The following VPS53 variants were observed in gnomAD, a reference collection of about 807,000 sequenced individuals.
VPS53 encodes the protein vacuolar protein sorting-associated protein 53 homolog.
A neutral mutation model predicts 107.0 loss-of-function variants in VPS53; 70 were observed. That is an observed-to-expected ratio of 0.65 (90% confidence interval 0.54 to 0.80). VPS53 has a LOEUF of 0.80. Ranked by LOEUF, VPS53 falls within the 30% of genes least tolerant of loss-of-function variation. The pLI is 0.00. For missense variants in VPS53, 917 were observed against 1,049.4 expected, an observed-to-expected ratio of 0.87 and a Z score of 1.74; for synonymous variants, 409 against 393.3, an observed-to-expected ratio of 1.04 and a Z score of -0.47.
At chr17:656,795 C>T in intron 5 of VPS53, 1 of 1,460,652 alleles carries the variant, frequency 6.8e-7, no homozygotes, top group Non-Finnish European at 9.6e-7. Context: ...CGGACCATTT[C>T]ACCCGCTGCT....
chr17:647,099 T>C (rs1297903913), intron 7 of VPS53, among the ~76,000 whole-genome samples: 3 of 152,242 alleles, frequency 2.0e-5, no homozygotes, highest in Admixed American at 2.0e-4. Context: ...CTCTGCTGCC[T>C]CCAAACTCCA....
chr17:581,323 A>G (rs79085298), intron 13 of VPS53, among the ~76,000 whole-genome samples: 8,806 of 151,712 alleles, frequency 0.058, 515 homozygotes, highest in East Asian at 0.3. Flanking sequence ...TCAGAACCTA[A>G]TGGGTTCCCA....
intron 4 of VPS53, among the ~76,000 whole-genome samples, chr17:696,076 C>G (rs1313226242): frequency 6.6e-6 from 1 of 151,888 alleles, no homozygotes; most frequent in African/African-American, 2.4e-5. Context: ...GTAACGAGGG[C>G]TAAAAAAAAT....
At chr17:623,496 C>G (rs754336744) in intron 11 of VPS53, 37 bp downstream of exon 11, 2 of 1,587,128 alleles carry the variant, frequency 1.3e-6, no homozygotes, top group Non-Finnish European at 1.7e-6. Flanking sequence ...ACCCAACCCA[C>G]TGATTTCACG....
chr17:565,058 A>C (rs1252918213), intron 13 of VPS53, among the ~76,000 whole-genome samples: 2 of 152,230 alleles, frequency 1.3e-5, no homozygotes, highest in East Asian at 3.8e-4. Flanking sequence ...ACCACCAATT[A>C]GCAGGAATAG....
intron 12 of VPS53, among the ~76,000 whole-genome samples, chr17:588,125 G>A (rs1221257146): frequency 2.0e-5 from 3 of 152,114 alleles, no homozygotes; most frequent in Non-Finnish European, 4.4e-5. Context: ...AGACCAGCAT[G>A]GCCAATATGG....
At chr17:647,500 G>C (rs1264624207) in intron 7 of VPS53, among the ~76,000 whole-genome samples, 1 of 152,218 alleles carries the variant, frequency 6.6e-6, no homozygotes, top group Non-Finnish European at 1.5e-5. Context: ...GAATCATCCT[G>C]AGAGCAGGGG....
Position 632,064 on chromosome 17 carries a change from A to G in VPS53, c.609-436T>C, listed in dbSNP as rs979347052. Among the ~76,000 whole-genome samples, 3 of 152,182 alleles carry G rather than the reference A, an allele frequency of 2.0e-5. No individual in the cohort carries two copies. The East Asian group carries it at 5.8e-4, about 29-fold the overall frequency. On this transcript the variant is annotated intron_variant, in intron 7 of 21. Transcript: ENST00000437048. ...GGATTTCAAAACCAGCCTGGGCAACATTAGAGAGATCCAGTCTCCACGAAA... is the reference window on the plus strand; with the variant it reads ...GGATTTCAAAACCAGCCTGGGCAACGTTAGAGAGATCCAGTCTCCACGAAA...
chr17:655,722 G>A, intron 6 of VPS53, 116 bp downstream of exon 6: 1 of 955,708 alleles, frequency 1.0e-6, no homozygotes, highest in Non-Finnish European at 1.5e-6. Context: ...CCAATTTGCA[G>A]AAAGTGGGGC....
At chr17:598,649 C>G (rs529574468) in intron 12 of VPS53, among the ~76,000 whole-genome samples, 49 of 144,530 alleles carry the variant, frequency 3.4e-4, no homozygotes, top group African/African-American at 1.2e-3. Flanking sequence ...TCTGCCCGGC[C>G]GCGACCCGGT....
Position 657,158 on chromosome 17 carries a change from C to G in VPS53, c.373-1205G>C, listed in dbSNP as rs966499816. The G allele has an allele frequency of 2.7e-6, 4 of 1,495,042 alleles. No homozygotes were observed. In the South Asian group the frequency reaches 4.5e-5, roughly 17 times the overall value. The allele number at this position is 1,495,042 out of a possible 1,614,324, so 92.6% of individuals were successfully genotyped here. A position where few individuals can be genotyped will look rare whatever the true frequency, so the allele number is the denominator to read the frequency against. ...TCAGGGTAGCGGATGGTGCGAGCAT[C>G]ATGAGTCACCAGATGAGGGATTCCT... On this transcript the variant is annotated intron_variant, in intron 5 of 21. Coordinates refer to ENST00000437048, the MANE Select transcript of VPS53 (RefSeq NM_001128159.3).
At position 552,076 on chromosome 17, in the gene VPS53, G is replaced by C. The variant is rs144390251; in HGVS notation, c.1788-126C>G. On this transcript the variant is annotated intron_variant, in intron 16 of 21. Coordinates refer to ENST00000437048, the MANE Select transcript of VPS53 (RefSeq NM_001128159.3). ...TGGCAAAGTTTGAGCTTTAATTAATGACAGCGGAGGAACAGCTTGGCTCTT... is the reference window on the plus strand; with the variant it reads ...TGGCAAAGTTTGAGCTTTAATTAATCACAGCGGAGGAACAGCTTGGCTCTT... 1,108 of 806,066 alleles carry C rather than the reference G, an allele frequency of 1.4e-3. 3 individuals are homozygous for C. The highest frequency in any genetic ancestry group is 1.8e-3 in the Non-Finnish European group (934 of 528,712). 49.9% of individuals were successfully genotyped at this position (806,066 alleles called of 1,614,324 possible).
chr17:586,731 T>G (rs1407748145), intron 12 of VPS53, among the ~76,000 whole-genome samples: 1 of 152,224 alleles, frequency 6.6e-6, no homozygotes, highest in African/African-American at 2.4e-5. Context: ...ACAATCCAAT[T>G]TTTGATAGCA....
At chr17:671,847 C>A (rs1971960714) in intron 4 of VPS53, among the ~76,000 whole-genome samples, 1 of 151,940 alleles carries the variant, frequency 6.6e-6, no homozygotes, top group South Asian at 2.1e-4. Context: ...CGCCACCACA[C>A]CCAGCTAATT....
chr17:660,846 A>C lies in VPS53; in HGVS notation c.372+963T>G, dbSNP rs1265138082. On this transcript the variant is annotated intron_variant, in intron 5 of 21. Coordinates refer to ENST00000437048, the MANE Select transcript of VPS53 (RefSeq NM_001128159.3). ...CATTATTCTTATTTTACAGTTGAAG[A>C]AGCTGGAATTCTGAGACAACTGACA... Among the ~76,000 whole-genome samples, 6 of 152,214 alleles carry C rather than the reference A, an allele frequency of 3.9e-5. No homozygotes were observed. The East Asian group carries it at 1.2e-3, about 29-fold the overall frequency.
intron 13 of VPS53, among the ~76,000 whole-genome samples, chr17:577,678 G>A (rs1184807923): frequency 6.6e-6 from 1 of 151,634 alleles, no homozygotes; most frequent in Non-Finnish European, 1.5e-5. Context: ...ACCTCCCTCA[G>A]AACCTCAGTG....
chr17:654,478 C>T (rs541993347), intron 6 of VPS53, among the ~76,000 whole-genome samples: 2 of 152,140 alleles, frequency 1.3e-5, no homozygotes, highest in Admixed American at 1.3e-4. Context: ...GTGGCTCAAG[C>T]CTGTAATCCC....
chr17:599,238 T>C (rs1464296624), intron 12 of VPS53, among the ~76,000 whole-genome samples: 34 of 151,338 alleles, frequency 2.2e-4, no homozygotes, highest in African/African-American at 5.6e-4. Flanking sequence ...GCCACCACCC[T>C]GTCTGGGAGG....
At chr17:691,496 G>C (rs1430050959) in intron 4 of VPS53, among the ~76,000 whole-genome samples, 1 of 152,220 alleles carries the variant, frequency 6.6e-6, no homozygotes, top group Non-Finnish European at 1.5e-5. Context: ...CTTCCAAAGC[G>C]AAGGAGTGAG....
Sources: allele counts gnomAD v4.1 joint callset (sites outside exome capture counted in the v4.1 genomes callset), GRCh38; gene constraint gnomAD v4.1.1; transcripts MANE v1.5; gene names NCBI Gene and HGNC (gene_info 2026-07-23, HGNC 2026-07-21).